ST6GALNAC3: variants seen among roughly 807,000 people sequenced by gnomAD.
ST6GALNAC3 encodes ST6 N-acetylgalactosaminide alpha-2,6-sialyltransferase 3.
A neutral mutation model predicts 32.7 loss-of-function variants in ST6GALNAC3; 25 were observed. The observed-to-expected ratio is 0.76, with a 90% CI of 0.56 to 1.07. The LOEUF (loss-of-function observed/expected upper bound fraction) is 1.07, where lower values mean the gene tolerates loss of function less well. Among genes scored for constraint, ST6GALNAC3 ranks in the 50% least tolerant of loss-of-function variants. ST6GALNAC3 has a pLI of 0.00. For missense variants in ST6GALNAC3, 355 were observed against 382.4 expected (o/e 0.93, Z 0.60); for synonymous variants, 129 against 133.1 (o/e 0.97, Z 0.21).
intron 3 of ST6GALNAC3, among the ~76,000 whole-genome samples, chr1:76,552,865 C>T (rs1664718522): frequency 2.0e-5 from 3 of 152,000 alleles, no homozygotes; most frequent in East Asian, 1.9e-4. Flanking sequence ...TTCTTGCTAT[C>T]GGTTTTTGGT....
At chr1:76,500,227 C>T (rs1421679896) in intron 3 of ST6GALNAC3, among the ~76,000 whole-genome samples, 1 of 152,102 alleles carries the variant, frequency 6.6e-6, no homozygotes, top group Non-Finnish European at 1.5e-5. Flanking sequence ...TATATGAATA[C>T]TTCACATACA....
intron 2 of ST6GALNAC3, among the ~76,000 whole-genome samples, chr1:76,339,883 A>G (rs528042485): frequency 4.6e-5 from 7 of 152,348 alleles, no homozygotes; most frequent in African/African-American, 1.4e-4. Context: ...CAAATCATTC[A>G]GAGCAGGTTC....
intron 3 of ST6GALNAC3, among the ~76,000 whole-genome samples, chr1:76,476,631 A>G (rs1659371071): frequency 6.6e-6 from 1 of 152,204 alleles, no homozygotes; most frequent in Non-Finnish European, 1.5e-5. Context: ...ACTGGGGACC[A>G]TTCAGCACAT....
chr1:76,559,343 A>G (rs1449313510), intron 3 of ST6GALNAC3, among the ~76,000 whole-genome samples: 3 of 152,216 alleles, frequency 2.0e-5, no homozygotes, highest in African/African-American at 7.2e-5. Flanking sequence ...AATGAAGTTG[A>G]ACCCATACCT....
intron 1 of ST6GALNAC3, among the ~76,000 whole-genome samples, chr1:76,188,740 A>G (rs1211550308): frequency 6.6e-6 from 1 of 152,222 alleles, no homozygotes; most frequent in East Asian, 1.9e-4. Context: ...AAGAAAATAA[A>G]ATGAATTCAT....
At position 76,262,934 on chromosome 1, in the gene ST6GALNAC3, C is replaced by A. The variant is rs1304646790; in HGVS notation, c.19-50871C>A. 5.9e-5 allele frequency among the ~76,000 whole-genome samples: 9 copies of A among 152,242 alleles called. No homozygotes were observed. The South Asian group carries it at 1.5e-3, about 25-fold the overall frequency. On this transcript the variant is annotated intron_variant, in intron 1 of 4. Coordinates refer to ENST00000328299, the MANE Select transcript of ST6GALNAC3 (RefSeq NM_152996.4). ...AAGAAGCACTTCCTTTCATCTGAGG[C>A]TCACTGGGCCCAGGGTTGTGTGGTG...
rs140137699 is a variant in ST6GALNAC3, at chr1:76,599,897, G to GT, written c.624-27554dup. On this transcript the variant is annotated intron_variant, in intron 3 of 4. Coordinates refer to ENST00000328299, the MANE Select transcript of ST6GALNAC3 (RefSeq NM_152996.4). ...TATACAATTTTATATCCTATGTGCT[G>GT]TGTTTGTTCTCTGCAGCTGGGAAAC... Among the ~76,000 whole-genome samples, 934 of 152,174 alleles carry GT rather than the reference G, an allele frequency of 6.1e-3. 11 individuals carry two copies. The highest frequency in any genetic ancestry group is 0.021 in the African/African-American group (888 of 41,500).
chr1:76,572,726 C>T (rs1181188177), intron 3 of ST6GALNAC3, among the ~76,000 whole-genome samples: 1 of 152,128 alleles, frequency 6.6e-6, no homozygotes, highest in Non-Finnish European at 1.5e-5. Flanking sequence ...GCCACCTGTT[C>T]TTACAAATTA....
At chr1:76,443,637 A>G (rs534624956) in intron 3 of ST6GALNAC3, among the ~76,000 whole-genome samples, 1 of 152,136 alleles carries the variant, frequency 6.6e-6, no homozygotes, top group East Asian at 1.9e-4. Flanking sequence ...CCTAAACCAA[A>G]AAGTATTTGG....
intron 3 of ST6GALNAC3, among the ~76,000 whole-genome samples, chr1:76,434,081 A>G (rs1164394811): frequency 1.3e-5 from 2 of 152,236 alleles, no homozygotes; most frequent in Non-Finnish European, 2.9e-5. Context: ...AAAGCAAACC[A>G]TGGCAGGTCA....
intron 3 of ST6GALNAC3, among the ~76,000 whole-genome samples, chr1:76,500,702 T>C (rs1002016783): frequency 2.0e-5 from 3 of 152,132 alleles, no homozygotes; most frequent in African/African-American, 7.2e-5. Flanking sequence ...TAGTTCAAAA[T>C]TAAGTAATAA....
At chr1:76,172,952 C>T (rs1414371617) in intron 1 of ST6GALNAC3, among the ~76,000 whole-genome samples, 2 of 152,164 alleles carry the variant, frequency 1.3e-5, no homozygotes, top group Non-Finnish European at 2.9e-5. Context: ...ATCAAACTAC[C>T]ATTGATATTC....
intron 2 of ST6GALNAC3, among the ~76,000 whole-genome samples, chr1:76,341,670 T>TTTCTTTCTTTCTTTCTTTCTTTCC (rs1557803895): frequency 7.0e-6 from 1 of 142,400 alleles, no homozygotes; most frequent in Non-Finnish European, 1.5e-5. Context: ...TCTTTCTTTC[T>TTTCTTTCTTTCTTTCTTTCTTTCC]TTCTTTCTTT....
chr1:76,602,337 G>A (rs1180792833), intron 3 of ST6GALNAC3, among the ~76,000 whole-genome samples: 2 of 152,042 alleles, frequency 1.3e-5, no homozygotes, highest in Admixed American at 6.5e-5. Context: ...GTGTGCGTGT[G>A]CATGTGCGTG....
At chr1:76,295,146 A>T (rs1228317810) in intron 1 of ST6GALNAC3, among the ~76,000 whole-genome samples, 1 of 150,802 alleles carries the variant, frequency 6.6e-6, no homozygotes, top group Non-Finnish European at 1.5e-5. Flanking sequence ...CTTTTTCTCT[A>T]TGAGGCTTTA....
chr1:76,238,948 C>CTT (rs35385527), intron 1 of ST6GALNAC3, among the ~76,000 whole-genome samples: 16,301 of 131,186 alleles, frequency 0.12, 1,196 homozygotes, highest in African/African-American at 0.2. Flanking sequence ...TCCCACTAAC[C>CTT]TTTTTTTTTT....
intron 1 of ST6GALNAC3, among the ~76,000 whole-genome samples, chr1:76,311,073 A>G (rs1570777092): frequency 6.6e-6 from 1 of 151,838 alleles, no homozygotes; most frequent in Non-Finnish European, 1.5e-5. Context: ...TATTTCTCCC[A>G]CCTAAATCAA....
At chr1:76,286,445 C>T (rs761742517) in intron 1 of ST6GALNAC3, among the ~76,000 whole-genome samples, 1 of 152,240 alleles carries the variant, frequency 6.6e-6, no homozygotes, top group African/African-American at 2.4e-5. Flanking sequence ...GATGTTTTAA[C>T]ACAGACACAT....
At chr1:76,146,617 T>G (rs1379343317) in intron 1 of ST6GALNAC3, among the ~76,000 whole-genome samples, 1 of 152,218 alleles carries the variant, frequency 6.6e-6, no homozygotes, top group Non-Finnish European at 1.5e-5. Context: ...TCCCAATTTG[T>G]AGGATTTTTT....
Sources: gnomAD v4.1 joint callset for allele counts (sites outside exome capture counted in the v4.1 genomes callset) on GRCh38, gnomAD v4.1.1 for gene constraint, MANE v1.5 for transcripts, NCBI Gene and HGNC (gene_info 2026-07-23, HGNC 2026-07-21) for gene names.